CHD7: variants seen among roughly 807,000 people sequenced by gnomAD.
The protein encoded by CHD7 is chromodomain helicase DNA binding protein 7, also known as ATP-dependent chromatin remodeler CHD7.
CHD7 carries 24 observed loss-of-function variants against 307.3 expected under a neutral mutation model. The observed-to-expected ratio is 0.08, with a 90% CI of 0.06 to 0.11. CHD7 has a LOEUF of 0.11. Ranked by LOEUF, CHD7 falls within the 10% of genes least tolerant of loss-of-function variation. CHD7 has a pLI of 1.00. For missense variants in CHD7, 3,106 were observed against 3,727.1 expected (o/e 0.83, Z 4.34); for synonymous variants, 1,363 against 1,349.9 (o/e 1.01, Z -0.21).
At position 60,823,814 on chromosome 8, in the gene CHD7, A is replaced by G. The variant is rs1383125564; in HGVS notation, c.3202-26A>G. ...TTATTTATGTAACCATTAATGCTTAATAATAATTCAGAGTTGTTCTTATAG... is the reference window on the plus strand; with the variant it reads ...TTATTTATGTAACCATTAATGCTTAGTAATAATTCAGAGTTGTTCTTATAG... On this transcript the variant is annotated intron_variant, in intron 12 of 37. Coordinates refer to ENST00000423902, the MANE Select transcript of CHD7 (RefSeq NM_017780.4). The G allele has an allele frequency of 2.5e-6, 4 of 1,589,024 alleles. No homozygotes were observed. In the Admixed American group the frequency reaches 5.0e-5, roughly 20 times the overall value.
chr8:60,696,236 A>G (rs1806460340), intron 1 of CHD7, among the ~76,000 whole-genome samples: 2 of 152,242 alleles, frequency 1.3e-5, no homozygotes, highest in Non-Finnish European at 2.9e-5. Flanking sequence ...CAACAATACA[A>G]ATTAAATTAT....
intron 8 of CHD7, 74 bp downstream of exon 8, chr8:60,816,575 T>C (rs1586379577): frequency 1.1e-6 from 1 of 892,904 alleles, no homozygotes; most frequent in South Asian, 1.6e-5. Context: ...TTTAGTTCCA[T>C]GAATTAAGAA....
At chr8:60,855,887 G>A in intron 32 of CHD7, 88 bp from the exon 33 acceptor site, 4 of 830,822 alleles carry the variant, frequency 4.8e-6, no homozygotes, top group Middle Eastern at 4.6e-4. Flanking sequence ...AACATTTTAT[G>A]CTCTTTTGCA....
At chr8:60,832,226 T>C (rs886321816) in intron 15 of CHD7, among the ~76,000 whole-genome samples, 4 of 152,154 alleles carry the variant, frequency 2.6e-5, no homozygotes, top group Non-Finnish European at 4.4e-5. Context: ...GGTTTCTCCA[T>C]GTTGCCCAGG....
At chr8:60,840,105 A>G (rs1346043244) in intron 19 of CHD7, among the ~76,000 whole-genome samples, 3 of 152,198 alleles carry the variant, frequency 2.0e-5, no homozygotes, top group Non-Finnish European at 2.9e-5. Context: ...CAAGATTTAT[A>G]GTTTTTAACT....
At chr8:60,758,114 T>C (rs1303573324) in intron 2 of CHD7, among the ~76,000 whole-genome samples, 1 of 152,156 alleles carries the variant, frequency 6.6e-6, no homozygotes, top group Non-Finnish European at 1.5e-5. Flanking sequence ...ATTGGTTCAT[T>C]GAATTATGCC....
chr8:60,742,696 A>G lies in CHD7; in HGVS notation c.1264A>G (p.Met422Val), dbSNP rs1064795809. The stretch of plus-strand genomic sequence containing the variant: ...CAGGCCGGGAAGTGCTGGGATACCA[A>G]TGGAAGTTGGCAGTTATCCAAATAT... ...QVRPGSAGIP[M>V]EVGSYPNMPH... The change falls in exon 2 of 38, where the codon ATG becomes GTG. Residue 422 changes from methionine to valine, a missense_variant. Met to Val is a conservative substitution (Grantham distance 21). Transcript: ENST00000423902. The G allele has an allele frequency of 5.6e-6, 9 of 1,612,236 alleles. No homozygotes were observed. Among genetic ancestry groups the G allele is most frequent in the African/African-American group, 4.0e-5 (3 of 74,912 alleles).
intron 5 of CHD7, among the ~76,000 whole-genome samples, chr8:60,800,801 A>T (rs1005595980): frequency 2.0e-5 from 3 of 152,218 alleles, no homozygotes; most frequent in Non-Finnish European, 4.4e-5. Context: ...GAGTTGGAAT[A>T]TAAGGAGGCT....
intron 2 of CHD7, among the ~76,000 whole-genome samples, chr8:60,754,950 A>T (rs901031829): frequency 6.6e-6 from 1 of 152,192 alleles, no homozygotes; most frequent in African/African-American, 2.4e-5. Flanking sequence ...AAATCCAGTG[A>T]TCCACTTCAT....
chr8:60,700,832 A>G (rs1009667581), intron 1 of CHD7, among the ~76,000 whole-genome samples: 1 of 152,184 alleles, frequency 6.6e-6, no homozygotes, highest in Non-Finnish European at 1.5e-5. Flanking sequence ...GGACACACAC[A>G]CTGTAAGTGC....
At position 60,836,302 on chromosome 8, in the gene CHD7, G is replaced by T. The variant is rs746454488; in HGVS notation, c.3989+19G>T. On this transcript the variant is annotated intron_variant, in intron 16 of 37. Coordinates refer to ENST00000423902, the MANE Select transcript of CHD7 (RefSeq NM_017780.4). ...AAAGACGGTGAGGACCACCATATCA[G>T]AATAATAAAAAGGAAATCTAAAATT... The T allele has an allele frequency of 6.3e-7, 1 of 1,599,784 alleles. No individual in the cohort carries two copies. Among genetic ancestry groups the T allele is most frequent in the South Asian group, 1.1e-5 (1 of 89,648 alleles).
chr8:60,828,818 C>T lies in CHD7; in HGVS notation c.3522+12C>T. ...AAACAGAAGAGCAGGTATTTATCAG[C>T]TCCACTTTGTATTTCAGTTATAAAA... On this transcript the variant is annotated intron_variant, in intron 14 of 37. Transcript: ENST00000423902. 6.2e-7 allele frequency: 1 copy of T among 1,609,718 alleles called. No homozygotes were observed. Among genetic ancestry groups the T allele is most frequent in the Non-Finnish European group, 8.5e-7 (1 of 1,177,052 alleles).
chr8:60,774,604 A>G (rs764383955), intron 2 of CHD7, among the ~76,000 whole-genome samples: 2 of 152,164 alleles, frequency 1.3e-5, no homozygotes, highest in Non-Finnish European at 2.9e-5. Flanking sequence ...GCAGCACCCA[A>G]CCAAGGGTGG....
intron 2 of CHD7, among the ~76,000 whole-genome samples, chr8:60,746,304 T>C (rs1809323169): frequency 6.6e-6 from 1 of 152,246 alleles, no homozygotes; most frequent in Non-Finnish European, 1.5e-5. Context: ...ATAACTAAAT[T>C]TGATTTGTGC....
At chr8:60,791,156 T>C (rs565449719) in intron 3 of CHD7, among the ~76,000 whole-genome samples, 1 of 152,292 alleles carries the variant, frequency 6.6e-6, no homozygotes, top group African/African-American at 2.4e-5. Context: ...GAGATGAGTT[T>C]TCAGGTGATG....
At position 60,865,338 on chromosome 8, in the gene CHD7, T is replaced by C; in HGVS notation, c.8399T>C (p.Leu2800Pro). ...KNPAAVLPLM[L>P]PGMAGLPNVF... ...CCTGCTGCTGTGCTGCCCCTGATGC[T>C]GCCAGGAATGGCGGGCCTGCCCAAC... Residue 2800 changes from leucine to proline, a missense_variant, in exon 38 of 38, where the codon CTG becomes CCG. By Grantham distance (98) the Leu-to-Pro change is moderately conservative. Coordinates refer to ENST00000423902, the MANE Select transcript of CHD7 (RefSeq NM_017780.4). The surrounding 1 kb of genome is among the most constrained non-coding windows in gnomAD (Gnocchi z 4.3). The C allele has an allele frequency of 3.1e-6, 5 of 1,612,680 alleles. No individual in the cohort carries two copies. Among genetic ancestry groups the C allele is most frequent in the Non-Finnish European group, 4.2e-6 (5 of 1,179,464 alleles).
At position 60,853,397 on chromosome 8, in the gene CHD7, C is replaced by T. The variant is rs571941602; in HGVS notation, c.6672C>T (p.Gly2224=). 2.5e-5 allele frequency: 38 copies of T among 1,533,464 alleles called. 1 individual carries two copies. In the South Asian group the frequency reaches 3.2e-4, roughly 13 times the overall value. 95.0% of individuals were successfully genotyped at this position (1,533,464 alleles called of 1,614,324 possible). A position where few individuals can be genotyped will look rare whatever the true frequency, so the allele number is the denominator to read the frequency against. ...VKNELKGVEV[G]ADTGSKSISE... is the part of the protein sequence containing the mutation. ...ATGAACTGAAAGGTGTTGAGGTCGG[C>T]GCAGACACTGGGTCCAAATCTATTT... The change falls in exon 31 of 38, where the codon GGC becomes GGT. Residue 2224 remains glycine (G), a synonymous_variant. Transcript: ENST00000423902.
chr8:60,703,736 A>G (rs1806881096), intron 1 of CHD7, among the ~76,000 whole-genome samples: 3 of 152,202 alleles, frequency 2.0e-5, no homozygotes, highest in Admixed American at 2.0e-4. Context: ...TTGGATTTTA[A>G]TTGACTAAAC....
intron 3 of CHD7, among the ~76,000 whole-genome samples, chr8:60,790,501 A>C (rs888063945): frequency 2.6e-5 from 4 of 152,152 alleles, no homozygotes; most frequent in Admixed American, 2.0e-4. Context: ...GCCCGATTTT[A>C]CTGAGCTTTA....
Sources: gnomAD v4.1 joint callset for allele counts (sites outside exome capture counted in the v4.1 genomes callset) on GRCh38, gnomAD v4.1.1 for gene constraint, Gnocchi (gnomAD v3.1) non-coding constraint, MANE v1.5 for transcripts, NCBI Gene and HGNC (gene_info 2026-07-23, HGNC 2026-07-21) for gene names.